The following MMP16 variants were observed in gnomAD, a reference collection of about 807,000 sequenced individuals.
MMP16 encodes the protein matrix metalloproteinase-16.
Under a neutral mutation model 67.8 loss-of-function variants are expected in MMP16, and 12 were observed. The ratio of observed to expected loss-of-function variants is 0.18; its 90% confidence interval spans 0.11 to 0.29. MMP16 has a LOEUF of 0.29. MMP16 is among the 10% of genes least tolerant of loss of function. MMP16 has a pLI of 1.00. For synonymous variants in MMP16, 249 were observed against 255.9 expected (o/e 0.97, Z 0.26); for missense variants, 475 against 765.7 (o/e 0.62, Z 4.48).
chr8:88,206,090 T>C (rs1473321696), intron 1 of MMP16, among the ~76,000 whole-genome samples: 2 of 152,094 alleles, frequency 1.3e-5, no homozygotes. Context: ...ATTGCTACCA[T>C]CTCTCTCATT....
intron 7 of MMP16, 94 bp downstream of exon 7, chr8:88,074,511 T>A (rs1808611792): frequency 9.2e-7 from 1 of 1,084,910 alleles, no homozygotes; most frequent in South Asian, 2.0e-5. Context: ...ATCCATAGGC[T>A]ATGTAATCTC....
intron 1 of MMP16, among the ~76,000 whole-genome samples, chr8:88,215,067 C>T (rs987209709): frequency 1.3e-5 from 2 of 152,138 alleles, no homozygotes; most frequent in African/African-American, 4.8e-5. Flanking sequence ...CTGTGGCTCA[C>T]GCCTGTAATC....
In MMP16 at chr8:88,041,656, G is replaced by A. The variant is rs746926391; in HGVS notation, c.1629C>T (p.His543=). 2 of 1,614,104 alleles carry A rather than the reference G, an allele frequency of 1.2e-6. No individual in the cohort carries two copies. The highest frequency in any genetic ancestry group is 3.3e-5 in the Admixed American group (2 of 59,990). ...CAATGTCTACATCATCTGGTGGGCT[G>A]TGTCCTTCTTTAACTCTGTCTGTTG... The part of the protein sequence containing the change: ...DGPTDRVKEG[H]SPPDDVDIVI... Residue 543 remains histidine, a synonymous_variant, in exon 10 of 10, where the codon CAC becomes CAT. Transcript: ENST00000286614. This position sits in a 1 kb window ranked among gnomAD's most constrained non-coding sequence, Gnocchi z 6.0.
At position 88,105,530 on chromosome 8, in the gene MMP16, C is replaced by G. The variant is rs113629201; in HGVS notation, c.1083+10977G>C. ...TGAAACTGCAAAGTAGTGTAAGAAG[C>G]ATAGTGATGGAAACAGAAAAATTTG... On this transcript the variant is annotated intron_variant, in intron 6 of 9. Transcript: ENST00000286614. Among the ~76,000 whole-genome samples, 1,076 of 151,460 alleles carry G rather than the reference C, an allele frequency of 7.1e-3. 9 individuals carry two copies. The highest frequency in any genetic ancestry group is 0.024 in the African/African-American group (987 of 41,436).
intron 3 of MMP16, among the ~76,000 whole-genome samples, chr8:88,171,371 T>C (rs1434855563): frequency 5.3e-5 from 8 of 152,186 alleles, no homozygotes; most frequent in African/African-American, 1.9e-4. Flanking sequence ...TAAAAGGTTA[T>C]GGATGCTGAT....
chr8:88,074,612 G>T lies in MMP16; in HGVS notation c.1215C>A (p.Phe405Leu). The T allele has an allele frequency of 6.2e-7, 1 of 1,613,170 alleles. No individual in the cohort carries two copies. Among genetic ancestry groups the T allele is most frequent in the Non-Finnish European group, 8.5e-7 (1 of 1,179,538 alleles). ...TATGGAAAACATCCTTACCTTTAAAGAACACAAAATTCCCGTCGCTATTTT... is the reference window on the plus strand; with the variant it reads ...TATGGAAAACATCCTTACCTTTAAATAACACAAAATTCCCGTCGCTATTTT... ...VYENSDGNFV[F>L]FKGNKYWVFK... Residue 405 changes from phenylalanine to leucine, a missense_variant, in exon 7 of 10, where the codon TTC becomes TTA. Physicochemically the swap from Phe to Leu is conservative, Grantham distance 22. Transcript: ENST00000286614.
At position 88,074,708 on chromosome 8, in the gene MMP16, C is replaced by T. The variant is rs755024045; in HGVS notation, c.1119G>A (p.Val373=). The change falls in exon 7 of 10, where the codon GTG becomes GTA. Residue 373 remains valine (V), a synonymous_variant. Coordinates refer to ENST00000286614, the MANE Select transcript of MMP16 (RefSeq NM_005941.5). Reference sequence around the variant, plus strand: ...TAATTTGCATTGGGTATCCATCCATCACCCTGTTGTTTCTCACTCGCCAAA... The same window carrying T: ...TAATTTGCATTGGGTATCCATCCATTACCCTGTTGTTTCTCACTCGCCAAA... The part of the protein sequence containing the change: ...QWFWRVRNNR[V]MDGYPMQITY... 4 of 1,613,374 alleles carry T rather than the reference C, an allele frequency of 2.5e-6. No individual in the cohort carries two copies. Among genetic ancestry groups the T allele is most frequent in the Non-Finnish European group, 2.5e-6 (3 of 1,179,550 alleles).
In MMP16 at chr8:88,038,189, G is replaced by A. The variant is rs1808080460; in HGVS notation, c.*3272C>T. 1 of 151,954 alleles carries A rather than the reference G, an allele frequency of 6.6e-6. No individual in the cohort carries two copies. The highest frequency in any genetic ancestry group is 1.5e-5 in the Non-Finnish European group (1 of 67,908). 9.4% of individuals were successfully genotyped at this position (151,954 alleles called of 1,614,324 possible). On this transcript the variant is annotated 3_prime_UTR_variant, in exon 10 of 10. Coordinates refer to ENST00000286614, the MANE Select transcript of MMP16 (RefSeq NM_005941.5). The surrounding 1 kb of genome is among the most constrained non-coding windows in gnomAD (Gnocchi z 4.1). The stretch of plus-strand genomic sequence containing the variant: ...AGTAGCTGGTGTACAATAAACAAAT[G>A]GAATCCCACTGTTTGTGATTACATT...
At chr8:88,315,656 T>C (rs1422221623) in intron 1 of MMP16, among the ~76,000 whole-genome samples, 1 of 152,178 alleles carries the variant, frequency 6.6e-6, no homozygotes, top group Admixed American at 6.5e-5. Flanking sequence ...CCCATCTCTT[T>C]CCCTCTCTTT....
chr8:88,108,827 T>C (rs548271191), intron 6 of MMP16, among the ~76,000 whole-genome samples: 12 of 151,406 alleles, frequency 7.9e-5, no homozygotes, highest in South Asian at 2.1e-4. Context: ...GTTTTTTCCA[T>C]TCAAGCTTGG....
intron 4 of MMP16, among the ~76,000 whole-genome samples, chr8:88,143,202 C>T (rs897545862): frequency 5.3e-5 from 8 of 151,692 alleles, no homozygotes; most frequent in Non-Finnish European, 8.8e-5. Context: ...CAGAGTGGTA[C>T]CACAGAAATA....
intron 2 of MMP16, among the ~76,000 whole-genome samples, chr8:88,191,995 C>T (rs372747985): frequency 6.6e-6 from 1 of 152,192 alleles, no homozygotes. Flanking sequence ...AACTCATGCT[C>T]TAAGACAATA....
At chr8:88,182,771 G>C (rs1809002258) in intron 3 of MMP16, among the ~76,000 whole-genome samples, 1 of 152,032 alleles carries the variant, frequency 6.6e-6, no homozygotes, top group Non-Finnish European at 1.5e-5. Flanking sequence ...GTGTATACTG[G>C]CCTTCTTCAT....
At chr8:88,081,895 T>C (rs1284819588) in intron 6 of MMP16, among the ~76,000 whole-genome samples, 39 of 152,208 alleles carry the variant, frequency 2.6e-4, no homozygotes, top group African/African-American at 8.9e-4. Flanking sequence ...ATGTATACAG[T>C]AGCTGTTTTT....
At chr8:88,217,855 A>G (rs2129836689) in intron 1 of MMP16, among the ~76,000 whole-genome samples, 1 of 152,228 alleles carries the variant, frequency 6.6e-6, no homozygotes, top group East Asian at 1.9e-4. Context: ...TGAGCCAGTA[A>G]GTTAGATGCT....
In MMP16 at chr8:88,155,282, T is replaced by G. The variant is rs192075098; in HGVS notation, c.709+12387A>C. On this transcript the variant is annotated intron_variant, in intron 4 of 9. Transcript: ENST00000286614. ...GCAAAGGACATGCATGTAATTAGAA[T>G]ATATACAAAATATTATGTCTTCTAT... is the stretch of plus-strand genomic sequence containing the variant. Among the ~76,000 whole-genome samples, 34 of 152,240 alleles carry G rather than the reference T, an allele frequency of 2.2e-4. No homozygotes were observed. In the South Asian group the frequency reaches 3.9e-3, roughly 18 times the overall value.
In MMP16 at chr8:88,041,307, T is replaced by G; in HGVS notation, c.*154A>C. 1 of 681,734 alleles carries G rather than the reference T, an allele frequency of 1.5e-6. No individual in the cohort carries two copies. The highest frequency in any genetic ancestry group is 2.6e-5 in the East Asian group (1 of 39,208). The allele number at this position is 681,734 out of a possible 1,614,324, so 42.2% of individuals were successfully genotyped here. Reference sequence around the variant, plus strand: ...CCCCATGAGTGTATTTCCACTCATGTGCAGGACCAGCAACCCTCTGGGTTT... The same window carrying G: ...CCCCATGAGTGTATTTCCACTCATGGGCAGGACCAGCAACCCTCTGGGTTT... On this transcript the variant is annotated 3_prime_UTR_variant, in exon 10 of 10. Transcript: ENST00000286614. This position sits in a 1 kb window ranked among gnomAD's most constrained non-coding sequence, Gnocchi z 6.0.
At chr8:88,265,898 GA>G in intron 1 of MMP16, among the ~76,000 whole-genome samples, 1 of 152,326 alleles carries the variant, frequency 6.6e-6, no homozygotes, top group East Asian at 1.9e-4. Context: ...GGGAAACAAA[GA>G]AATGGAGTTG....
intron 1 of MMP16, among the ~76,000 whole-genome samples, chr8:88,205,397 A>C (rs1809410219): frequency 6.6e-6 from 1 of 152,066 alleles, no homozygotes; most frequent in African/African-American, 2.4e-5. Flanking sequence ...ACCTACAATA[A>C]CCAAGAATGT....
Sources: allele counts gnomAD v4.1 joint callset (sites outside exome capture counted in the v4.1 genomes callset), GRCh38; gene constraint gnomAD v4.1.1; non-coding constraint Gnocchi (gnomAD v3.1); transcripts MANE v1.5; gene names NCBI Gene and HGNC (gene_info 2026-07-23, HGNC 2026-07-21).